The following HS3ST4 variants were observed in gnomAD, a reference collection of about 807,000 sequenced individuals.
HS3ST4 encodes the protein heparan sulfate glucosamine 3-O-sulfotransferase 4.
Under a neutral mutation model 29.2 loss-of-function variants are expected in HS3ST4, and 17 were observed. The observed-to-expected ratio is 0.58, with a 90% CI of 0.40 to 0.87. The LOEUF (loss-of-function observed/expected upper bound fraction) is 0.87. Ranked by LOEUF, HS3ST4 falls within the 40% of genes least tolerant of loss-of-function variation. The probability of loss-of-function intolerance (pLI) is 0.00; values close to 1 mark genes in which losing one functional copy is unlikely to be tolerated. For missense variants in HS3ST4, 627 were observed against 634.5 expected, an observed-to-expected ratio of 0.99 and a Z score of 0.13; for synonymous variants, 314 against 285.7, an observed-to-expected ratio of 1.10 and a Z score of -1.00.
At chr16:25,720,239 T>C (rs946020973) in intron 1 of HS3ST4, among the ~76,000 whole-genome samples, 2 of 152,096 alleles carry the variant, frequency 1.3e-5, no homozygotes, top group Admixed American at 6.5e-5. Context: ...GTGATTGGCA[T>C]GTTTGAGAGG....
intron 1 of HS3ST4, among the ~76,000 whole-genome samples, chr16:25,836,667 C>T (rs1336219011): frequency 2.6e-5 from 4 of 152,074 alleles, no homozygotes; most frequent in Non-Finnish European, 4.4e-5. Context: ...GTTGAAATGG[C>T]GTGTTTGTCA....
chr16:26,128,536 A>G (rs568697319), intron 1 of HS3ST4, among the ~76,000 whole-genome samples: 2 of 152,240 alleles, frequency 1.3e-5, no homozygotes, highest in East Asian at 3.9e-4. Context: ...ATATGTACAG[A>G]TCCTGTTCTT....
chr16:26,110,165 G>C (rs1213534228), intron 1 of HS3ST4, among the ~76,000 whole-genome samples: 1 of 151,962 alleles, frequency 6.6e-6, no homozygotes, highest in East Asian at 1.9e-4. Context: ...TCTGTGTCTT[G>C]CTTATTTCAC....
chr16:26,117,892 G>T (rs1229537881), intron 1 of HS3ST4, among the ~76,000 whole-genome samples: 1 of 152,224 alleles, frequency 6.6e-6, no homozygotes, highest in East Asian at 1.9e-4. Context: ...TGCCATTATG[G>T]TGCTTGATTC....
intron 1 of HS3ST4, among the ~76,000 whole-genome samples, chr16:25,885,974 A>G (rs1280119251): frequency 6.6e-6 from 1 of 151,572 alleles, no homozygotes; most frequent in Non-Finnish European, 1.5e-5. Flanking sequence ...CTCTTTTTTA[A>G]GTAATCAAAA....
At chr16:25,910,953 C>T (rs1405016638) in intron 1 of HS3ST4, among the ~76,000 whole-genome samples, 1 of 152,102 alleles carries the variant, frequency 6.6e-6, no homozygotes, top group Non-Finnish European at 1.5e-5. Flanking sequence ...TCAGGCCCTG[C>T]CCAGTCTGAA....
intron 1 of HS3ST4, among the ~76,000 whole-genome samples, chr16:26,089,816 T>A (rs1473530913): frequency 6.6e-6 from 1 of 152,144 alleles, no homozygotes; most frequent in East Asian, 1.9e-4. Flanking sequence ...TGAGTTTGAG[T>A]CCTGGCTTGC....
At chr16:25,780,998 G>A (rs1401295742) in intron 1 of HS3ST4, among the ~76,000 whole-genome samples, 1 of 152,184 alleles carries the variant, frequency 6.6e-6, no homozygotes, top group Admixed American at 6.5e-5. Context: ...GCAAAACACA[G>A]TTGCACATTA....
intron 1 of HS3ST4, among the ~76,000 whole-genome samples, chr16:25,937,771 T>C (rs1968531377): frequency 6.6e-6 from 1 of 152,182 alleles, no homozygotes; most frequent in Non-Finnish European, 1.5e-5. Context: ...GTACAGAGTA[T>C]TTTTGTACTC....
chr16:26,105,804 C>G lies in HS3ST4; in HGVS notation c.735-29808C>G, dbSNP rs182007852. ...TTCTGCATCCCTGTTCAGATGTTACCTCTAACCTGGTCTTCTGATTAAAAT... is the reference window on the plus strand; with the variant it reads ...TTCTGCATCCCTGTTCAGATGTTACGTCTAACCTGGTCTTCTGATTAAAAT... On this transcript the variant is annotated intron_variant, in intron 1 of 1. Transcript: ENST00000331351. Among the ~76,000 whole-genome samples the G allele has an allele frequency of 1.8e-3, 271 of 152,356 alleles. 2 individuals are homozygous for G. The highest frequency in any genetic ancestry group is 2.0e-3 in the Non-Finnish European group (134 of 68,024).
At chr16:25,931,113 A>G (rs1054751770) in intron 1 of HS3ST4, among the ~76,000 whole-genome samples, 14 of 149,402 alleles carry the variant, frequency 9.4e-5, no homozygotes, top group Non-Finnish European at 1.9e-4. Flanking sequence ...CTTCCCTTTA[A>G]AAAACCTCCA....
At chr16:25,810,774 T>C (rs1446478532) in intron 1 of HS3ST4, among the ~76,000 whole-genome samples, 1 of 152,252 alleles carries the variant, frequency 6.6e-6, no homozygotes, top group African/African-American at 2.4e-5. Context: ...GTGATTTCAC[T>C]TTCTCAAGCT....
chr16:26,137,451 C>G lies in HS3ST4; in HGVS notation c.*1203C>G, dbSNP rs1391648705. On this transcript the variant is annotated 3_prime_UTR_variant, in exon 2 of 2. Transcript: ENST00000331351. ...GTTGGGGGTGAGCAAGGGCTGTCTG[C>G]AGAAACCCCCATCAAGAGCTGCTGA... The G allele has an allele frequency of 6.6e-6, 1 of 152,126 alleles. No homozygotes were observed. The highest frequency in any genetic ancestry group is 2.4e-5 in the African/African-American group (1 of 41,416). The allele number at this position is 152,126 out of a possible 1,614,324, so 9.4% of individuals were successfully genotyped here.
intron 1 of HS3ST4, among the ~76,000 whole-genome samples, chr16:25,740,238 A>T (rs913223261): frequency 2.6e-5 from 4 of 152,178 alleles, no homozygotes; most frequent in African/African-American, 9.7e-5. Context: ...TTTGAATGAC[A>T]TCTTAAAGAA....
intron 1 of HS3ST4, among the ~76,000 whole-genome samples, chr16:25,897,614 A>G (rs2141671809): frequency 6.6e-6 from 1 of 152,120 alleles, no homozygotes. Flanking sequence ...GAACTGTGAT[A>G]AGGATTGAAC....
In HS3ST4 at chr16:26,137,063, C is replaced by T. The variant is rs1223846359; in HGVS notation, c.*815C>T. 1 of 151,876 alleles carries T rather than the reference C, an allele frequency of 6.6e-6. No individual in the cohort carries two copies. Among genetic ancestry groups the T allele is most frequent in the African/African-American group, 2.4e-5 (1 of 41,334 alleles). 9.4% of individuals were successfully genotyped at this position (151,876 alleles called of 1,614,324 possible). A position where few individuals can be genotyped will look rare whatever the true frequency, so the allele number is the denominator to read the frequency against. ...GCTCAAAGAGTAGAGTAATTGTAAC[C>T]GAGGTCAGAGCTCTGGGGTTGGCAG... On this transcript the variant is annotated 3_prime_UTR_variant, in exon 2 of 2. Transcript: ENST00000331351.
At chr16:25,823,279 C>T (rs189916847) in intron 1 of HS3ST4, among the ~76,000 whole-genome samples, 2 of 152,228 alleles carry the variant, frequency 1.3e-5, no homozygotes, top group African/African-American at 4.8e-5. Context: ...TCCCTCAGGA[C>T]TTAGGTTTGT....
intron 1 of HS3ST4, among the ~76,000 whole-genome samples, chr16:25,830,669 A>T (rs1396766938): frequency 7.9e-5 from 12 of 151,798 alleles, no homozygotes. Context: ...AAAACTGAGG[A>T]GTTAGTCTTG....
At chr16:26,040,776 C>T (rs2141758577) in intron 1 of HS3ST4, among the ~76,000 whole-genome samples, 1 of 152,182 alleles carries the variant, frequency 6.6e-6, no homozygotes, top group Non-Finnish European at 1.5e-5. Flanking sequence ...ACATAGTTGT[C>T]ACTGTCATCT....
Sources: gnomAD v4.1 joint callset for allele counts (sites outside exome capture counted in the v4.1 genomes callset) on GRCh38, gnomAD v4.1.1 for gene constraint, MANE v1.5 for transcripts, NCBI Gene and HGNC (gene_info 2026-07-23, HGNC 2026-07-21) for gene names.